The following IKZF3 variants were observed in gnomAD, a reference collection of about 807,000 sequenced individuals.
The protein encoded by IKZF3 is IKAROS family zinc finger 3.
Under a neutral mutation model 49.0 loss-of-function variants are expected in IKZF3, and 10 were observed. The observed-to-expected ratio is 0.20, with a 90% confidence interval of 0.13 to 0.35. The LOEUF (loss-of-function observed/expected upper bound fraction) is 0.35, where lower values mean the gene tolerates loss of function less well. IKZF3 is among the 10% of genes least tolerant of loss of function. The pLI, the probability that IKZF3 is intolerant of heterozygous loss-of-function variation, is 1.00. For synonymous variants in IKZF3, 209 were observed against 228.2 expected (o/e 0.92, Z 0.76); for missense variants, 498 against 664.8 (o/e 0.75, Z 2.76).
intron 3 of IKZF3, among the ~76,000 whole-genome samples, chr17:39,799,871 C>T (rs572505216): frequency 6.6e-5 from 10 of 152,272 alleles, no homozygotes; most frequent in African/African-American, 2.2e-4. Context: ...CTCATACATC[C>T]GTCTTATTCT....
At chr17:39,789,721 C>T (rs2060966104) in intron 5 of IKZF3, among the ~76,000 whole-genome samples, 1 of 141,474 alleles carries the variant, frequency 7.1e-6, no homozygotes, top group Admixed American at 7.0e-5. Context: ...GAGTGAGACA[C>T]CATCTCAAAC....
intron 1 of IKZF3, among the ~76,000 whole-genome samples, chr17:39,837,133 C>CAA (rs1199457765): frequency 6.6e-6 from 1 of 151,870 alleles, no homozygotes; most frequent in African/African-American, 2.4e-5. Flanking sequence ...GGGGGTCTCA[C>CAA]TGTGTTGCCC....
rs1284784946 is a variant in IKZF3, at chr17:39,777,721, T to G, written c.756A>C (p.Arg252Ser). 1.2e-6 allele frequency: 2 copies of G among 1,613,788 alleles called. No individual in the cohort carries two copies. The highest frequency in any genetic ancestry group is 1.7e-6 in the Non-Finnish European group (2 of 1,179,952). The change falls in exon 7 of 8, where the codon AGA becomes AGC. Residue 252 changes from arginine (R) to serine (S), a missense_variant. This residue lies in a region of IKZF3 where 317 missense variants were observed against 397.3 expected (regional missense o/e 0.80). Coordinates refer to ENST00000346872, the MANE Select transcript of IKZF3 (RefSeq NM_012481.5). Reference protein sequence around the residue: ...RHIKAEMGSERALVLDRLASN... With the variant: ...RHIKAEMGSESALVLDRLASN... ...TTGCTAATCTGTCCAGTACGAGAGC[T>G]CTTTCACTTCCCATCTCTGCTTTGA...
chr17:39,775,864 C>T (rs1199771158), intron 7 of IKZF3, among the ~76,000 whole-genome samples: 2 of 149,196 alleles, frequency 1.3e-5, no homozygotes, highest in Non-Finnish European at 3.0e-5. Flanking sequence ...GCAGAGGTTG[C>T]GGTGAGCCGA....
intron 3 of IKZF3, among the ~76,000 whole-genome samples, chr17:39,827,954 G>A (rs1039451719): frequency 1.3e-5 from 2 of 152,180 alleles, no homozygotes; most frequent in Non-Finnish European, 2.9e-5. Flanking sequence ...TTTTTCTGGT[G>A]GATTAGGGAA....
chr17:39,800,188 T>C (rs930243898), intron 3 of IKZF3, among the ~76,000 whole-genome samples: 2 of 152,228 alleles, frequency 1.3e-5, no homozygotes, highest in Admixed American at 1.3e-4. Context: ...TCTCATGTTT[T>C]GGTTTTGTAA....
chr17:39,800,233 T>C (rs1315307700), intron 3 of IKZF3, among the ~76,000 whole-genome samples: 1 of 152,214 alleles, frequency 6.6e-6, no homozygotes, highest in Non-Finnish European at 1.5e-5. Flanking sequence ...TCAGGTTTCT[T>C]AGACATACAT....
At chr17:39,839,253 T>C in intron 1 of IKZF3, 2 of 335,986 alleles carry the variant, frequency 6.0e-6, no homozygotes, top group Non-Finnish European at 1.1e-5. Flanking sequence ...AAAAAATATA[T>C]TCCCAATAAA....
intron 7 of IKZF3, among the ~76,000 whole-genome samples, chr17:39,768,184 A>C (rs1369356025): frequency 1.3e-5 from 2 of 152,240 alleles, no homozygotes; most frequent in Non-Finnish European, 2.9e-5. Context: ...ACATACAGGC[A>C]TCGGTGAGAC....
At chr17:39,816,862 C>A (rs999471999) in intron 3 of IKZF3, among the ~76,000 whole-genome samples, 1 of 152,028 alleles carries the variant, frequency 6.6e-6, no homozygotes, top group African/African-American at 2.4e-5. Flanking sequence ...TACAGGCATG[C>A]GCCACCACGC....
At chr17:39,790,433 A>G (rs1294074197) in intron 5 of IKZF3, among the ~76,000 whole-genome samples, 1 of 152,136 alleles carries the variant, frequency 6.6e-6, no homozygotes, top group African/African-American at 2.4e-5. Context: ...GCCAATTATG[A>G]TCTCTCATGG....
chr17:39,858,256 C>T (rs2063122036), intron 1 of IKZF3, among the ~76,000 whole-genome samples: 1 of 151,848 alleles, frequency 6.6e-6, no homozygotes, highest in African/African-American at 2.4e-5. Flanking sequence ...CTCACGAGTT[C>T]AAGACCAGCC....
At chr17:39,782,177 T>G (rs1292406691) in intron 6 of IKZF3, among the ~76,000 whole-genome samples, 2 of 152,224 alleles carry the variant, frequency 1.3e-5, no homozygotes, top group Non-Finnish European at 2.9e-5. Context: ...ACTCATTTTC[T>G]TTCCTAAACT....
intron 1 of IKZF3, among the ~76,000 whole-genome samples, chr17:39,855,722 G>T (rs1393238056): frequency 6.6e-6 from 1 of 152,186 alleles, no homozygotes; most frequent in Non-Finnish European, 1.5e-5. Flanking sequence ...TACTCAGGAG[G>T]CTGAGGCAGG....
chr17:39,793,022 T>C, intron 3 of IKZF3, 89 bp from the exon 4 acceptor site: 1 of 1,280,208 alleles, frequency 7.8e-7, no homozygotes, highest in South Asian at 1.4e-5. Context: ...AACTGACAAT[T>C]AAATACCAAT....
chr17:39,829,603 T>G (rs978039907), intron 2 of IKZF3, 115 bp from the exon 3 acceptor site: 4 of 692,654 alleles, frequency 5.8e-6, no homozygotes, highest in Non-Finnish European at 7.4e-6. Flanking sequence ...TAGTGACAGA[T>G]AGTACCCCTT....
chr17:39,845,044 A>G (rs2062589625), intron 1 of IKZF3, among the ~76,000 whole-genome samples: 1 of 152,182 alleles, frequency 6.6e-6, no homozygotes, highest in Non-Finnish European at 1.5e-5. Context: ...GAACAAGTGA[A>G]GTTTTATATC....
At chr17:39,777,866 C>T (rs1194599706) in intron 6 of IKZF3, 99 bp from the exon 7 acceptor site, 4 of 1,536,640 alleles carry the variant, frequency 2.6e-6, no homozygotes, top group East Asian at 2.3e-5. Flanking sequence ...AAGTTGGATG[C>T]ACACTCTATT....
In IKZF3 at chr17:39,788,342, T is replaced by G; in HGVS notation, c.625A>C (p.Arg209=). The G allele has an allele frequency of 6.2e-7, 1 of 1,613,744 alleles. No homozygotes were observed. The highest frequency in any genetic ancestry group is 1.1e-5 in the South Asian group (1 of 91,068). Reference sequence around the variant, plus strand: ...AGGGAACTTCTCTGCTTGTAACTCCTTCCACAAAACTCACATTTGTAGGGT... The same window carrying G: ...AGGGAACTTCTCTGCTTGTAACTCCGTCCACAAAACTCACATTTGTAGGGT... ...EKPYKCEFCG[R]SYKQRSSLEE... Residue 209 remains arginine, a synonymous_variant, in exon 6 of 8, where the codon AGG becomes CGG. Coordinates refer to ENST00000346872, the MANE Select transcript of IKZF3 (RefSeq NM_012481.5).
Sources: allele counts gnomAD v4.1 joint callset (sites outside exome capture counted in the v4.1 genomes callset), GRCh38; gene constraint gnomAD v4.1.1; regional missense constraint gnomAD v4.1.1; transcripts MANE v1.5; gene names NCBI Gene and HGNC (gene_info 2026-07-23, HGNC 2026-07-21).